IQSEC1: variants seen among roughly 807,000 people sequenced by gnomAD.
IQSEC1 encodes the protein IQ motif and Sec7 domain ArfGEF 1.
Under a neutral mutation model 91.0 loss-of-function variants are expected in IQSEC1, and 31 were observed. The observed-to-expected ratio is 0.34, with a 90% CI of 0.26 to 0.46. The LOEUF is 0.46. Ranked by LOEUF, IQSEC1 falls within the 20% of genes least tolerant of loss-of-function variation. IQSEC1 has a pLI of 1.00. For synonymous variants in IQSEC1, 699 were observed against 662.6 expected (o/e 1.05, Z -0.84); for missense variants, 1,388 against 1,575.6 (o/e 0.88, Z 2.02).
At chr3:12,975,106 T>C (rs1481327076) in intron 1 of IQSEC1, among the ~76,000 whole-genome samples, 2 of 152,230 alleles carry the variant, frequency 1.3e-5, no homozygotes, top group Non-Finnish European at 2.9e-5. Context: ...GGCTTGGCAA[T>C]GACACCCATG....
chr3:13,007,758 C>T (rs957076355), intron 1 of IQSEC1, among the ~76,000 whole-genome samples: 6 of 152,224 alleles, frequency 3.9e-5, no homozygotes, highest in South Asian at 2.1e-4. Flanking sequence ...CCTATCTCTG[C>T]GGTTTCTGTG....
At chr3:13,243,560 G>A (rs1464593439) in intron 1 of IQSEC1, among the ~76,000 whole-genome samples, 4 of 152,218 alleles carry the variant, frequency 2.6e-5, no homozygotes, top group African/African-American at 9.7e-5. Flanking sequence ...TCTGTCTCTC[G>A]CAGAAGCCTC....
intron 9 of IQSEC1, 148 bp from the exon 10 acceptor site, chr3:12,911,876 A>G (rs1325516920): frequency 1.5e-6 from 1 of 667,916 alleles, no homozygotes; most frequent in African/African-American, 1.8e-5. Context: ...TTCCACTCCA[A>G]GACTCGGACA....
At chr3:13,164,074 C>T (rs1693417552) in intron 2 of IQSEC1, among the ~76,000 whole-genome samples, 1 of 152,198 alleles carries the variant, frequency 6.6e-6, no homozygotes, top group South Asian at 2.1e-4. Flanking sequence ...AGGATTCAGA[C>T]ACACGGACAG....
chr3:13,185,757 A>C (rs1051818665), intron 1 of IQSEC1, among the ~76,000 whole-genome samples: 1 of 152,252 alleles, frequency 6.6e-6, no homozygotes, highest in Non-Finnish European at 1.5e-5. Context: ...TTTACACTGC[A>C]TCCTAATCGC....
intron 2 of IQSEC1, among the ~76,000 whole-genome samples, chr3:13,161,790 C>T (rs1171254983): frequency 6.6e-6 from 1 of 152,210 alleles, no homozygotes; most frequent in Non-Finnish European, 1.5e-5. Flanking sequence ...AACTTCCATC[C>T]GCGATCTCCC....
At chr3:13,175,133 G>A (rs565501296) in intron 1 of IQSEC1, among the ~76,000 whole-genome samples, 3 of 152,290 alleles carry the variant, frequency 2.0e-5, no homozygotes, top group South Asian at 2.1e-4. Context: ...CTGTCTGCAC[G>A]TGACAGCTAC....
At chr3:13,105,474 T>C (rs1479558338) in intron 2 of IQSEC1, among the ~76,000 whole-genome samples, 1 of 152,126 alleles carries the variant, frequency 6.6e-6, no homozygotes, top group Admixed American at 6.5e-5. Context: ...CCTCTGGCTT[T>C]GAGAAAACCA....
intron 1 of IQSEC1, among the ~76,000 whole-genome samples, chr3:12,963,045 G>C (rs748494682): frequency 2.4e-4 from 37 of 152,260 alleles, no homozygotes; most frequent in Non-Finnish European, 4.6e-4. Flanking sequence ...AGACCCTGAA[G>C]CCAGGCAGGC....
At chr3:13,081,504 A>G (rs1202168261) in intron 2 of IQSEC1, among the ~76,000 whole-genome samples, 7 of 152,178 alleles carry the variant, frequency 4.6e-5, no homozygotes, top group Admixed American at 3.3e-4. Flanking sequence ...CCTGGCACCA[A>G]TGGATCCTCC....
At chr3:12,915,566 C>G in intron 7 of IQSEC1, 28 bp downstream of exon 7, 1 of 1,608,438 alleles carries the variant, frequency 6.2e-7, no homozygotes, top group Non-Finnish European at 8.5e-7. Flanking sequence ...GTGCTGGGGC[C>G]CACCACGTAC....
intron 2 of IQSEC1, among the ~76,000 whole-genome samples, chr3:12,938,623 C>A (rs746578494): frequency 2.1e-4 from 32 of 152,142 alleles, no homozygotes; most frequent in Non-Finnish European, 2.8e-4. Flanking sequence ...GTGAGTGGAG[C>A]TTAGAAAGCC....
rs78659372 is a variant in IQSEC1 at position 13,272,160 on chromosome 3, C to T, written c.272+10551G>A. On this transcript the variant is annotated intron_variant, in intron 1 of 15. Transcript: ENST00000648114. The stretch of plus-strand genomic sequence containing the variant: ...AGATGACAGCTCTGATAGGGATATG[C>T]TTGGCTGATCCTTGCTCATACCACA... Among the ~76,000 whole-genome samples, 316 of 152,280 alleles carry T rather than the reference C, an allele frequency of 2.1e-3. 3 individuals are homozygous for T. Among genetic ancestry groups the T allele is most frequent in the African/African-American group, 7.3e-3 (305 of 41,558 alleles).
rs1694078304 is a variant in IQSEC1, at chr3:13,193,893, G to T, written c.273-29760C>A. Among the ~76,000 whole-genome samples the T allele has an allele frequency of 6.6e-6, 1 of 152,214 alleles. No homozygotes were observed. The highest frequency in any genetic ancestry group is 2.1e-4 in the South Asian group (1 of 4,834). On this transcript the variant is annotated intron_variant, in intron 1 of 15. Transcript: ENST00000648114. This position sits in a 1 kb window ranked among gnomAD's most constrained non-coding sequence, Gnocchi z 4.2. The stretch of plus-strand genomic sequence containing the variant: ...GGGCTGACAAGGACCATGCCCTGGG[G>T]CTTCGGCCACAGACCAAGCTTGGTT...
rs1040961637 is a variant in IQSEC1, at chr3:13,214,532, C to T, written c.273-50399G>A. ...AAACTCCCTTTCATGGCCTCCATTG[C>T]ACGTGGGTGCAGCCTGGGGCCTCTC... On this transcript the variant is annotated intron_variant, in intron 1 of 15. Coordinates refer to the IQSEC1 transcript ENST00000648114. The surrounding 1 kb of genome is among the most constrained non-coding windows in gnomAD (Gnocchi z 4.5). 1.3e-5 allele frequency among the ~76,000 whole-genome samples: 2 copies of T among 152,268 alleles called. No individual in the cohort carries two copies. Among genetic ancestry groups the T allele is most frequent in the African/African-American group, 4.8e-5 (2 of 41,474 alleles).
chr3:13,184,703 G>A (rs1693901917), intron 1 of IQSEC1, among the ~76,000 whole-genome samples: 1 of 152,216 alleles, frequency 6.6e-6, no homozygotes, highest in Non-Finnish European at 1.5e-5. Context: ...ACATCCCTAA[G>A]GATCTCCAGA....
intron 1 of IQSEC1, among the ~76,000 whole-genome samples, chr3:13,260,505 G>T (rs1036658266): frequency 1.3e-5 from 2 of 152,132 alleles, no homozygotes; most frequent in Admixed American, 6.5e-5. Flanking sequence ...GACAATTTTT[G>T]ATCAAAACAG....
rs57241537 is a variant in IQSEC1, at chr3:13,002,547, CAA to C, written c.24-60684_24-60683del. Among the ~76,000 whole-genome samples the C allele has an allele frequency of 2.2e-3, 241 of 107,238 alleles. 2 individuals carry two copies. Among genetic ancestry groups the C allele is most frequent in the Middle Eastern group, 9.6e-3 (2 of 208 alleles). 70.4% of individuals were successfully genotyped at this position (107,238 alleles called of 152,430 possible). On this transcript the variant is annotated intron_variant, in intron 1 of 13. Coordinates refer to ENST00000613206, the MANE Select transcript of IQSEC1 (RefSeq NM_001134382.3). Reference sequence around the variant, plus strand: ...GGGTGAGTGAGTGAGACCTGATCTCCAAAAAAAAAAAAAAAAAGGAACTGAGA... The same window carrying C: ...GGGTGAGTGAGTGAGACCTGATCTCCAAAAAAAAAAAAAAAGGAACTGAGA...
At chr3:13,230,440 T>C (rs1694823148) in intron 1 of IQSEC1, among the ~76,000 whole-genome samples, 1 of 152,246 alleles carries the variant, frequency 6.6e-6, no homozygotes, top group Non-Finnish European at 1.5e-5. Context: ...ACACTCATCA[T>C]AAGCAGATGT....
Sources: allele counts gnomAD v4.1 joint callset (sites outside exome capture counted in the v4.1 genomes callset), GRCh38; gene constraint gnomAD v4.1.1; non-coding constraint Gnocchi (gnomAD v3.1); transcripts MANE v1.5; gene names NCBI Gene and HGNC (gene_info 2026-07-23, HGNC 2026-07-21).